Variants in HNF4G observed in about 807,000 individuals in gnomAD.
HNF4G encodes hepatocyte nuclear factor 4 gamma, also known as hepatocyte nuclear factor 4-gamma.
In HNF4G, 21 loss-of-function variants were observed where a neutral mutation model predicts 50.9. That is an observed-to-expected ratio of 0.41 (90% CI 0.29 to 0.59). HNF4G has a LOEUF of 0.59. HNF4G is among the 20% of genes least tolerant of loss of function. HNF4G has a pLI of 0.26. For missense variants in HNF4G, 527 were observed against 559.4 expected, an observed-to-expected ratio of 0.94 and a Z score of 0.58; for synonymous variants, 198 against 185.6, an observed-to-expected ratio of 1.07 and a Z score of -0.54.
chr8:75,471,628 C>A (rs1812116691), intron 1 of HNF4G, among the ~76,000 whole-genome samples: 1 of 152,074 alleles, frequency 6.6e-6, no homozygotes, highest in African/African-American at 2.4e-5. Flanking sequence ...TCCAATTTAT[C>A]TTTCTTTCTT....
At chr8:75,439,011 C>T (rs1157725346) in intron 1 of HNF4G, among the ~76,000 whole-genome samples, 1 of 151,804 alleles carries the variant, frequency 6.6e-6, no homozygotes, top group Non-Finnish European at 1.5e-5. Flanking sequence ...AGTACTGCAC[C>T]GTGCATGTGT....
In HNF4G at chr8:75,504,230, GACACAC is replaced by G. The variant is rs201513424; in HGVS notation, c.-24+14063_-24+14068del. ...AGTAAGACTTTGTCCAAAGCACACAGACACACACACACACACACACACACACACACA... is the reference window on the plus strand; with the variant it reads ...AGTAAGACTTTGTCCAAAGCACACAGACACACACACACACACACACACACA... On this transcript the variant is annotated intron_variant, in intron 2 of 10. Transcript: ENST00000354370. Among the ~76,000 whole-genome samples the G allele has an allele frequency of 8.6e-3, 930 of 108,302 alleles. 10 individuals are homozygous for G. Among genetic ancestry groups the G allele is most frequent in the Non-Finnish European group, 0.011 (616 of 54,170 alleles). The allele number at this position is 108,302 out of a possible 152,430, so 71.1% of individuals were successfully genotyped here.
intron 1 of HNF4G, among the ~76,000 whole-genome samples, chr8:75,437,869 A>T (rs188831569): frequency 6.6e-6 from 1 of 152,266 alleles, no homozygotes; most frequent in Non-Finnish European, 1.5e-5. Context: ...CAAGTTGTTC[A>T]TTGAAAGTGT....
At chr8:75,447,544 G>A (rs1322018229) in intron 1 of HNF4G, among the ~76,000 whole-genome samples, 4 of 147,620 alleles carry the variant, frequency 2.7e-5, no homozygotes, top group African/African-American at 9.9e-5. Flanking sequence ...CTGACAAAGG[G>A]CTAATATCCA....
At chr8:75,501,297 AT>A (rs1029314188) in intron 2 of HNF4G, among the ~76,000 whole-genome samples, 59 of 152,194 alleles carry the variant, frequency 3.9e-4, no homozygotes, top group African/African-American at 1.4e-3. Context: ...AATAAAAAAA[AT>A]AATCCAGGCA....
intron 2 of HNF4G, among the ~76,000 whole-genome samples, chr8:75,504,535 A>G (rs1444057318): frequency 6.6e-6 from 1 of 152,060 alleles, no homozygotes; most frequent in Non-Finnish European, 1.5e-5. Context: ...GGGGGAGGGC[A>G]ATTTACATTG....
At chr8:75,456,001 C>A (rs1484546268) in intron 1 of HNF4G, among the ~76,000 whole-genome samples, 1 of 152,066 alleles carries the variant, frequency 6.6e-6, no homozygotes, top group Non-Finnish European at 1.5e-5. Flanking sequence ...ACAAGTTATA[C>A]GAGCTTTGCC....
At chr8:75,524,070 T>C (rs1173531603) in intron 2 of HNF4G, among the ~76,000 whole-genome samples, 3 of 152,050 alleles carry the variant, frequency 2.0e-5, no homozygotes, top group Non-Finnish European at 4.4e-5. Context: ...CACCTATAGC[T>C]TGATAACGTT....
chr8:75,411,617 G>A (rs1035816788), intron 1 of HNF4G, among the ~76,000 whole-genome samples: 1 of 152,088 alleles, frequency 6.6e-6, no homozygotes, highest in Admixed American at 6.5e-5. Context: ...CCTGGAAAAC[G>A]AATAGGGAGT....
chr8:75,545,150 T>C (rs936543675), intron 2 of HNF4G, among the ~76,000 whole-genome samples: 3 of 152,106 alleles, frequency 2.0e-5, no homozygotes, highest in African/African-American at 4.8e-5. Context: ...TCATCAAAAA[T>C]AGTTTTGTAT....
chr8:75,454,704 T>G (rs1203465778), intron 1 of HNF4G, among the ~76,000 whole-genome samples: 1 of 152,142 alleles, frequency 6.6e-6, no homozygotes, highest in African/African-American at 2.4e-5. Flanking sequence ...CTACCCAAAA[T>G]AACCCTAATC....
intron 2 of HNF4G, among the ~76,000 whole-genome samples, chr8:75,530,353 C>T (rs1029686324): frequency 6.6e-6 from 1 of 151,862 alleles, no homozygotes; most frequent in Non-Finnish European, 1.5e-5. Context: ...CTGTGCCTTA[C>T]ACTGCTGTGT....
At chr8:75,463,264 A>G (rs1258709282) in intron 1 of HNF4G, among the ~76,000 whole-genome samples, 3 of 152,130 alleles carry the variant, frequency 2.0e-5, no homozygotes, top group Non-Finnish European at 2.9e-5. Context: ...AAAATCATTT[A>G]TAAAATAAAT....
At position 75,517,812 on chromosome 8, in the gene HNF4G, A is replaced by C. The variant is rs1039751304; in HGVS notation, c.-23-25999A>C. Among the ~76,000 whole-genome samples, 11 of 152,030 alleles carry C rather than the reference A, an allele frequency of 7.2e-5. 1 individual carries two copies. Among genetic ancestry groups the C allele is most frequent in the Non-Finnish European group, 1.5e-4 (10 of 68,022 alleles). On this transcript the variant is annotated intron_variant, in intron 2 of 10. Transcript: ENST00000354370. The stretch of plus-strand genomic sequence containing the variant: ...CCCTCTTCTTACAGCTCTACTAGGC[A>C]GTGCCCCAGTAGGGACCTTGTGTGC...
chr8:75,518,828 A>G (rs576677362), intron 2 of HNF4G, among the ~76,000 whole-genome samples: 6 of 151,706 alleles, frequency 4.0e-5, no homozygotes, highest in Non-Finnish European at 8.8e-5. Flanking sequence ...CATTTTCCCC[A>G]TTGTCTTAGT....
intron 1 of HNF4G, among the ~76,000 whole-genome samples, chr8:75,424,497 C>T (rs758816883): frequency 2.0e-5 from 3 of 152,194 alleles, no homozygotes; most frequent in Non-Finnish European, 4.4e-5. Context: ...AGATAGTGGA[C>T]GTAATACCCA....
intron 2 of HNF4G, among the ~76,000 whole-genome samples, chr8:75,518,998 CA>C (rs2130741478): frequency 6.6e-6 from 1 of 152,214 alleles, no homozygotes; most frequent in East Asian, 1.9e-4. Flanking sequence ...AATTCCAAAC[CA>C]TATCTTTTTG....
intron 2 of HNF4G, among the ~76,000 whole-genome samples, chr8:75,498,062 CA>C (rs939618501): frequency 6.6e-6 from 1 of 151,076 alleles, no homozygotes. Flanking sequence ...GCACACAAGA[CA>C]AAAAAAAGAT....
At chr8:75,498,737 A>C (rs1812847282) in intron 2 of HNF4G, among the ~76,000 whole-genome samples, 1 of 152,110 alleles carries the variant, frequency 6.6e-6, no homozygotes, top group Non-Finnish European at 1.5e-5. Flanking sequence ...CTCACAAATG[A>C]AAGGGTGGTT....
Sources: gnomAD v4.1 joint callset for allele counts (sites outside exome capture counted in the v4.1 genomes callset) on GRCh38, gnomAD v4.1.1 for gene constraint, MANE v1.5 for transcripts, NCBI Gene and HGNC (gene_info 2026-07-23, HGNC 2026-07-21) for gene names.